The following PDCD1LG2 variants were observed in gnomAD, a reference collection of about 807,000 sequenced individuals.
The protein encoded by PDCD1LG2 is programmed cell death 1 ligand 2.
Under a neutral mutation model 28.2 loss-of-function variants are expected in PDCD1LG2, and 32 were observed. The ratio of observed to expected loss-of-function variants is 1.13; its 90% CI spans 0.86 to 1.52. The LOEUF is 1.52. Ranked by LOEUF, PDCD1LG2 falls within the 40% of genes most tolerant of loss-of-function variation. The pLI, the probability that PDCD1LG2 is intolerant of heterozygous loss-of-function variation, is 0.00. For synonymous variants in PDCD1LG2, 116 were observed against 120.2 expected (o/e 0.97, Z 0.23); for missense variants, 385 against 323.8 (o/e 1.19, Z -1.45).
At chr9:5,523,338 G>A (rs1349092679) in intron 2 of PDCD1LG2, among the ~76,000 whole-genome samples, 2 of 152,200 alleles carry the variant, frequency 1.3e-5, no homozygotes, top group Admixed American at 6.5e-5. Context: ...ATAGAGGTGT[G>A]GACAGAGGAT....
In PDCD1LG2 at chr9:5,520,798, T is replaced by C. The variant is rs371030795; in HGVS notation, c.-14-1735T>C. On this transcript the variant is annotated intron_variant, in intron 1 of 6. Transcript: ENST00000397747. ...ATTTCCAAATCATATATTTGATAAA[T>C]AGTTTGGCAATTCCTCAAAAAGTTA... Among the ~76,000 whole-genome samples the C allele has an allele frequency of 3.3e-5, 5 of 152,296 alleles. No homozygotes were observed. In the East Asian group the frequency reaches 7.7e-4, roughly 24 times the overall value.
At chr9:5,514,266 A>G (rs1214070355) in intron 1 of PDCD1LG2, among the ~76,000 whole-genome samples, 1 of 152,220 alleles carries the variant, frequency 6.6e-6, no homozygotes, top group African/African-American at 2.4e-5. Flanking sequence ...CATAGTAAAT[A>G]CCAAGTAAAT....
At chr9:5,535,373 G>A (rs1820560282) in intron 3 of PDCD1LG2, among the ~76,000 whole-genome samples, 1 of 152,184 alleles carries the variant, frequency 6.6e-6, no homozygotes, top group South Asian at 2.1e-4. Context: ...GAACATCCCT[G>A]ACTTGATTAT....
In PDCD1LG2 at chr9:5,542,636, G is replaced by A. The variant is rs546103458; in HGVS notation, c.362-6699G>A. ...GAAATGCAAATCAAAACCACACTGC[G>A]ATACCACCTTACTCCTGCAAGAATG... On this transcript the variant is annotated intron_variant, in intron 3 of 6. Coordinates refer to ENST00000397747, the MANE Select transcript of PDCD1LG2 (RefSeq NM_025239.4). Among the ~76,000 whole-genome samples, 392 of 152,214 alleles carry A rather than the reference G, an allele frequency of 2.6e-3. 1 individual carries two copies. The highest frequency in any genetic ancestry group is 9.1e-3 in the African/African-American group (378 of 41,538).
At chr9:5,527,527 T>C (rs1471834096) in intron 2 of PDCD1LG2, among the ~76,000 whole-genome samples, 1 of 152,272 alleles carries the variant, frequency 6.6e-6, no homozygotes, top group Non-Finnish European at 1.5e-5. Flanking sequence ...CTAGTGTATG[T>C]ATACTATATT....
intron 3 of PDCD1LG2, among the ~76,000 whole-genome samples, chr9:5,542,999 C>T (rs923716255): frequency 4.0e-5 from 6 of 151,806 alleles, no homozygotes; most frequent in African/African-American, 1.5e-4. Flanking sequence ...TATATATATG[C>T]ATATTATATA....
chr9:5,556,244 C>A (rs1816439646), intron 4 of PDCD1LG2, among the ~76,000 whole-genome samples: 1 of 152,200 alleles, frequency 6.6e-6, no homozygotes, highest in South Asian at 2.1e-4. Flanking sequence ...GTAGGGACCT[C>A]TCCTGTTGTG....
chr9:5,517,228 C>G (rs1278769634), intron 1 of PDCD1LG2, among the ~76,000 whole-genome samples: 1 of 152,188 alleles, frequency 6.6e-6, no homozygotes, highest in Non-Finnish European at 1.5e-5. Context: ...ATAAGACAGT[C>G]TCAGGAGAAA....
At chr9:5,518,821 C>G (rs1820218328) in intron 1 of PDCD1LG2, among the ~76,000 whole-genome samples, 1 of 152,234 alleles carries the variant, frequency 6.6e-6, no homozygotes, top group Non-Finnish European at 1.5e-5. Flanking sequence ...CTGTACAAAA[C>G]TCACTGATAC....
Position 5,528,981 on chromosome 9 carries a change from G to A in PDCD1LG2, c.56-5764G>A, listed in dbSNP as rs555426262. 1.2e-4 allele frequency among the ~76,000 whole-genome samples: 18 copies of A among 152,012 alleles called. No individual in the cohort carries two copies. In the East Asian group the frequency reaches 3.5e-3, roughly 30 times the overall value. On this transcript the variant is annotated intron_variant, in intron 2 of 6. Transcript: ENST00000397747. The stretch of plus-strand genomic sequence containing the variant: ...TGACCTCAAGTGGCCCACCCACCTT[G>A]GCCTCCCAAAGTGCTGGGATTACAG...
chr9:5,555,376 C>G (rs1816417750), intron 4 of PDCD1LG2, among the ~76,000 whole-genome samples: 1 of 152,158 alleles, frequency 6.6e-6, no homozygotes, highest in Non-Finnish European at 1.5e-5. Flanking sequence ...AAGATCATGC[C>G]ACTGCACTCC....
chr9:5,548,812 C>G (rs1816263475), intron 3 of PDCD1LG2, among the ~76,000 whole-genome samples: 1 of 152,006 alleles, frequency 6.6e-6, no homozygotes, highest in Non-Finnish European at 1.5e-5. Context: ...TCAAAGAAAA[C>G]AGAGGAAAGG....
At chr9:5,567,025 T>C (rs1272675352) in intron 6 of PDCD1LG2, among the ~76,000 whole-genome samples, 1 of 152,244 alleles carries the variant, frequency 6.6e-6, no homozygotes, top group African/African-American at 2.4e-5. Flanking sequence ...TTTGTTGTAC[T>C]TCACTACATT....
At chr9:5,518,364 G>A (rs1403285005) in intron 1 of PDCD1LG2, among the ~76,000 whole-genome samples, 3 of 152,234 alleles carry the variant, frequency 2.0e-5, no homozygotes, top group Admixed American at 6.5e-5. Flanking sequence ...GAAAGTCCCC[G>A]TGGAAGGGCA....
chr9:5,566,093 A>G (rs1816660357), intron 6 of PDCD1LG2, among the ~76,000 whole-genome samples: 1 of 149,980 alleles, frequency 6.7e-6, no homozygotes, highest in Non-Finnish European at 1.5e-5. Flanking sequence ...CATTATGAGG[A>G]GAGTGTACAG....
intron 1 of PDCD1LG2, among the ~76,000 whole-genome samples, chr9:5,516,370 C>T (rs1820164361): frequency 1.3e-5 from 2 of 152,168 alleles, no homozygotes; most frequent in African/African-American, 4.8e-5. Flanking sequence ...TTTTTACAGG[C>T]TCAGAAGGGA....
At chr9:5,550,699 C>CTTT (rs201167086) in intron 4 of PDCD1LG2, among the ~76,000 whole-genome samples, 4 of 140,892 alleles carry the variant, frequency 2.8e-5, no homozygotes, top group Admixed American at 6.9e-5. Context: ...CTCTCTCTCT[C>CTTT]TTTTTTTTTT....
In PDCD1LG2 at chr9:5,549,361, A is replaced by T; in HGVS notation, c.388A>T (p.Ile130Phe). ...TTCCTACAGGAAAATAAACACTCAC[A>T]TCCTAAAGGTTCCAGAAACAGATGA... ...KASYRKINTH[I>F]LKVPETDEVE... Residue 130 changes from isoleucine (I) to phenylalanine (F), a missense_variant, in exon 4 of 7, where the codon ATC (isoleucine) becomes TTC (phenylalanine). Ile to Phe is a conservative substitution (Grantham distance 21). Transcript: ENST00000397747. 10 of 1,613,920 alleles carry T rather than the reference A, an allele frequency of 6.2e-6. No individual in the cohort carries two copies. The highest frequency in any genetic ancestry group is 8.5e-6 in the Non-Finnish European group (10 of 1,179,796).
At chr9:5,541,194 G>A (rs1190861115) in intron 3 of PDCD1LG2, among the ~76,000 whole-genome samples, 1 of 152,126 alleles carries the variant, frequency 6.6e-6, no homozygotes. Flanking sequence ...AGCAAAATTA[G>A]CACAGAAGGA....
Sources: allele counts gnomAD v4.1 joint callset (sites outside exome capture counted in the v4.1 genomes callset), GRCh38; gene constraint gnomAD v4.1.1; transcripts MANE v1.5; gene names NCBI Gene and HGNC (gene_info 2026-07-23, HGNC 2026-07-21).